KCNK10: variants seen among roughly 807,000 people sequenced by gnomAD.
KCNK10 encodes the protein potassium channel subfamily K member 10.
A neutral mutation model predicts 47.7 loss-of-function variants in KCNK10; 25 were observed. The observed-to-expected ratio is 0.52, with a 90% CI of 0.38 to 0.73. The LOEUF is 0.73. Ranked by LOEUF, KCNK10 falls within the 30% of genes least tolerant of loss-of-function variation. The probability of loss-of-function intolerance (pLI) is 0.00; values close to 1 mark genes in which losing one functional copy is unlikely to be tolerated. For synonymous variants in KCNK10, 303 were observed against 285.6 expected, an observed-to-expected ratio of 1.06 and a Z score of -0.61; for missense variants, 563 against 714.5, an observed-to-expected ratio of 0.79 and a Z score of 2.42.
chr14:88,211,818 C>A (rs150725793), intron 4 of KCNK10, among the ~76,000 whole-genome samples: 2,218 of 151,088 alleles, frequency 0.015, 44 homozygotes, highest in African/African-American at 0.052. Flanking sequence ...ATTGCTTGAA[C>A]CTGAGAGGCA....
intron 1 of KCNK10, among the ~76,000 whole-genome samples, chr14:88,278,810 G>C (rs1045500996): frequency 3.3e-5 from 5 of 152,210 alleles, no homozygotes; most frequent in African/African-American, 1.2e-4. Context: ...GAAAGGAGGA[G>C]AAACAAAGGC....
chr14:88,185,697 C>G lies in KCNK10; in HGVS notation c.1470G>C (p.Lys490Asn). The G allele has an allele frequency of 6.2e-7, 1 of 1,614,214 alleles. No individual in the cohort carries two copies. Among genetic ancestry groups the G allele is most frequent in the Non-Finnish European group, 8.5e-7 (1 of 1,180,040 alleles). ...TFRNYSLDEEKKEEETEKMCN... is the reference protein window; with the variant it reads ...TFRNYSLDEENKEEETEKMCN... ...ACATCTTTTCCGTCTCCTCCTCTTT[C>G]TTCTCCTCGTCCAGGGAGTAATTCC... The change falls in exon 7 of 7, where the codon AAG becomes AAC. Residue 490 changes from lysine to asparagine, a missense_variant. Transcript: ENST00000319231. This position sits in a 1 kb window ranked among gnomAD's most constrained non-coding sequence, Gnocchi z 4.3.
Position 88,186,910 on chromosome 14 carries a change from C to T in KCNK10, c.1012-755G>A, listed in dbSNP as rs535613237. Among the ~76,000 whole-genome samples the T allele has an allele frequency of 5.1e-4, 78 of 152,326 alleles. No homozygotes were observed. The highest frequency in any genetic ancestry group is 1.8e-3 in the African/African-American group (76 of 41,578). On this transcript the variant is annotated intron_variant, in intron 6 of 6. Transcript: ENST00000319231. The surrounding 1 kb of genome is among the most constrained non-coding windows in gnomAD (Gnocchi z 5.5). Reference sequence around the variant, plus strand: ...CAGGCCTCCTTAGAGTGGAGTTTTGCCTGAGGATCAGCACCAAATTTCTTG... The same window carrying T: ...CAGGCCTCCTTAGAGTGGAGTTTTGTCTGAGGATCAGCACCAAATTTCTTG...
chr14:88,295,043 C>T (rs1256736822), intron 1 of KCNK10, among the ~76,000 whole-genome samples: 2 of 152,182 alleles, frequency 1.3e-5, no homozygotes, highest in Admixed American at 1.3e-4. Flanking sequence ...TCTTTGTGAG[C>T]TATCTTGAGC....
In KCNK10 at chr14:88,195,328, G is replaced by A. The variant is rs368007213; in HGVS notation, c.682-2918C>T. Among the ~76,000 whole-genome samples the A allele has an allele frequency of 6.6e-5, 10 of 152,138 alleles. No homozygotes were observed. The South Asian group carries it at 1.0e-3, about 16-fold the overall frequency. ...TGGAGATAAGAAATCCCACCTCATC[G>A]GATTGTTTGGAAGATTAAACAAGTG... On this transcript the variant is annotated intron_variant, in intron 4 of 6. Coordinates refer to ENST00000319231, the MANE Select transcript of KCNK10 (RefSeq NM_138317.3).
chr14:88,246,264 GA>G (rs35102974), intron 2 of KCNK10, among the ~76,000 whole-genome samples: 928 of 55,322 alleles, frequency 0.017, 3 homozygotes, highest in African/African-American at 0.024. Flanking sequence ...CTCCGTCTCA[GA>G]AAAAAAAAAA....
rs77568260 is a variant in KCNK10, at chr14:88,231,121, ATTT to A, written c.521-3589_521-3587del. Reference sequence around the variant, plus strand: ...GAGCCCTTGTCTCTACAAAAAAAAAATTTTTTTAATTAGCCCGGCATGGTGGTG... The same window carrying A: ...GAGCCCTTGTCTCTACAAAAAAAAAATTTTAATTAGCCCGGCATGGTGGTG... On this transcript the variant is annotated intron_variant, in intron 3 of 6. Transcript: ENST00000319231. 6.0e-3 allele frequency among the ~76,000 whole-genome samples: 917 copies of A among 152,010 alleles called. 8 individuals are homozygous for A. Among genetic ancestry groups the A allele is most frequent in the African/African-American group, 0.021 (881 of 41,442 alleles).
At chr14:88,220,139 C>T (rs1421369473) in intron 4 of KCNK10, among the ~76,000 whole-genome samples, 5 of 152,088 alleles carry the variant, frequency 3.3e-5, no homozygotes, top group Admixed American at 2.6e-4. Flanking sequence ...AGAGCGTGGC[C>T]GGGCGCGGTG....
chr14:88,240,749 G>A lies in KCNK10; in HGVS notation c.474C>T (p.Asp158=), dbSNP rs759937108. The change falls in exon 3 of 7, where the codon GAC becomes GAT. Residue 158 remains aspartate, a synonymous_variant. Transcript: ENST00000319231. ...GNSSNNSSHW[D]LGSAFFFAGT... ...CAGCAAAGAAAAAGGCACTGCCGAG[G>A]TCCCAGTGGCTGCTGTTGTTGGAAG... 9.3e-6 allele frequency: 15 copies of A among 1,613,762 alleles called. No individual in the cohort carries two copies. The highest frequency in any genetic ancestry group is 4.0e-5 in the African/African-American group (3 of 74,886).
chr14:88,200,635 A>G (rs1412393047), intron 4 of KCNK10, among the ~76,000 whole-genome samples: 1 of 152,254 alleles, frequency 6.6e-6, no homozygotes, highest in Non-Finnish European at 1.5e-5. Context: ...GGACAGGAAC[A>G]CCTACAAATG....
chr14:88,315,959 A>G (rs1460115857), intron 1 of KCNK10, among the ~76,000 whole-genome samples: 1 of 152,164 alleles, frequency 6.6e-6, no homozygotes, highest in Non-Finnish European at 1.5e-5. Flanking sequence ...TGGCTTATGT[A>G]TGGCAGTAAA....
chr14:88,274,166 C>T (rs10143803), intron 1 of KCNK10, among the ~76,000 whole-genome samples: 1,856 of 151,600 alleles, frequency 0.012, 38 homozygotes, highest in African/African-American at 0.042. Flanking sequence ...TCCAATGTCC[C>T]GTGTGCTCAG....
chr14:88,308,438 C>T (rs906011807), intron 1 of KCNK10, among the ~76,000 whole-genome samples: 10 of 152,218 alleles, frequency 6.6e-5, no homozygotes, highest in Non-Finnish European at 1.5e-4. Context: ...CAGAGAAGGC[C>T]AAGAGACTGC....
chr14:88,323,389 G>A (rs1888594922), upstream of KCNK10: 36 of 750,144 alleles, frequency 4.8e-5, no homozygotes, highest in Non-Finnish European at 5.8e-5. Flanking sequence ...GGATGTAGGG[G>A]TGGCGCGGCG....
intron 1 of KCNK10, among the ~76,000 whole-genome samples, chr14:88,270,473 G>A (rs1164405499): frequency 1.3e-5 from 2 of 152,164 alleles, no homozygotes; most frequent in Non-Finnish European, 2.9e-5. Flanking sequence ...AAGTCTGTAT[G>A]CACTAAGAGA....
intron 4 of KCNK10, among the ~76,000 whole-genome samples, chr14:88,193,653 C>A (rs1884821219): frequency 6.6e-6 from 1 of 152,118 alleles, no homozygotes; most frequent in South Asian, 2.1e-4. Flanking sequence ...TTCATCGCAC[C>A]AAGCACAGAG....
intron 1 of KCNK10, among the ~76,000 whole-genome samples, chr14:88,306,873 A>G (rs1888212714): frequency 6.6e-6 from 1 of 152,212 alleles, no homozygotes. Flanking sequence ...AGTTCATATC[A>G]TAACCCTTAG....
At chr14:88,247,589 A>G (rs1165680561) in intron 2 of KCNK10, among the ~76,000 whole-genome samples, 1 of 152,216 alleles carries the variant, frequency 6.6e-6, no homozygotes, top group Non-Finnish European at 1.5e-5. Context: ...CTAGTTATAA[A>G]TCTAAAGTGA....
At chr14:88,269,850 G>T (rs2139761498) in intron 1 of KCNK10, among the ~76,000 whole-genome samples, 1 of 152,276 alleles carries the variant, frequency 6.6e-6, no homozygotes. Flanking sequence ...AGCAACCTAT[G>T]ACAAGCTAAC....
Sources: allele counts gnomAD v4.1 joint callset (sites outside exome capture counted in the v4.1 genomes callset), GRCh38; gene constraint gnomAD v4.1.1; non-coding constraint Gnocchi (gnomAD v3.1); transcripts MANE v1.5; gene names NCBI Gene and HGNC (gene_info 2026-07-23, HGNC 2026-07-21).